The following DHRSX variants were observed in gnomAD, a reference collection of about 807,000 sequenced individuals.
DHRSX encodes the protein dehydrogenase/reductase X-linked.
In DHRSX, 31 loss-of-function variants were observed where a neutral mutation model predicts 34.0. The ratio of observed to expected loss-of-function variants is 0.91; its 90% confidence interval spans 0.69 to 1.23. The LOEUF (loss-of-function observed/expected upper bound fraction) is 1.23, where lower values mean the gene tolerates loss of function less well. Among genes scored for constraint, DHRSX ranks in the 50% most tolerant of loss-of-function variants. DHRSX has a pLI of 0.00. For missense variants in DHRSX, 414 were observed against 428.1 expected, an observed-to-expected ratio of 0.97 and a Z score of 0.29; for synonymous variants, 201 against 183.8, an observed-to-expected ratio of 1.09 and a Z score of -0.76.
intron 3 of DHRSX, among the ~76,000 whole-genome samples, chrX:2,327,245 G>T (rs2042398314): frequency 1.3e-5 from 2 of 152,220 alleles, no homozygotes; most frequent in African/African-American, 4.8e-5. Context: ...CAGTGAAGAA[G>T]AGTCTCCCTG....
At chrX:2,500,531 G>C (rs1457843936) in intron 1 of DHRSX, 2 of 163,226 alleles carry the variant, frequency 1.2e-5, no homozygotes, top group Non-Finnish European at 2.7e-5. Context: ...GCCCGACCCG[G>C]GACAGGCGGG....
At chrX:2,409,762 C>T (rs1372482304) in intron 2 of DHRSX, among the ~76,000 whole-genome samples, 1 of 151,424 alleles carries the variant, frequency 6.6e-6, no homozygotes, top group African/African-American at 2.4e-5. Flanking sequence ...CAGAATCTTG[C>T]TCTGTTGCCC....
At chrX:2,496,140 T>C (rs1318203888) in intron 1 of DHRSX, among the ~76,000 whole-genome samples, 1 of 152,256 alleles carries the variant, frequency 6.6e-6, no homozygotes, top group Non-Finnish European at 1.5e-5. Context: ...CGATAGTTAA[T>C]AGTGTATTAC....
intron 1 of DHRSX, chrX:2,488,532 G>T: frequency 7.2e-7 from 1 of 1,382,640 alleles, no homozygotes; most frequent in Non-Finnish European, 9.7e-7. Context: ...AAAGACAGTG[G>T]ATGGTCTCTG....
chrX:2,238,205 A>T (rs988846420), intron 6 of DHRSX, among the ~76,000 whole-genome samples: 7 of 152,066 alleles, frequency 4.6e-5, no homozygotes, highest in African/African-American at 1.7e-4. Context: ...AAATTTTAAA[A>T]AATTAGCCAG....
At chrX:2,327,005 G>T (rs188143466) in intron 3 of DHRSX, among the ~76,000 whole-genome samples, 4,272 of 152,086 alleles carry the variant, frequency 0.028, 199 homozygotes, top group African/African-American at 0.096. Flanking sequence ...TAGAGATGGG[G>T]TTTCGCCATG....
chrX:2,317,256 C>CTTTTTTTTTTTTTTTT lies in DHRSX; in HGVS notation c.287-25654_287-25653insAAAAAAAAAAAAAAAA, dbSNP rs779722860. On this transcript the variant is annotated intron_variant, in intron 3 of 6. Transcript: ENST00000334651. ...TACAGGCGTGAGCCACCGCGCCTGG[C>CTTTTTTTTTTTTTTTT]TTTTTTTTTTTTTGAGACAGAGTCT... is the stretch of plus-strand genomic sequence containing the variant. Among the ~76,000 whole-genome samples the CTTTTTTTTTTTTTTTT allele has an allele frequency of 5.7e-5, 5 of 87,436 alleles. 1 individual carries two copies. The highest frequency in any genetic ancestry group is 6.4e-5 in the Non-Finnish European group (3 of 46,866). 57.4% of individuals were successfully genotyped at this position (87,436 alleles called of 152,430 possible).
chrX:2,464,127 C>T (rs1265616320), intron 1 of DHRSX, among the ~76,000 whole-genome samples: 1 of 151,752 alleles, frequency 6.6e-6, no homozygotes, highest in African/African-American at 2.4e-5. Context: ...GGACGGCCGC[C>T]ATGTACGCAC....
Position 2,316,280 on chromosome X carries a change from G to A in DHRSX, c.287-24677C>T, listed in dbSNP as rs748919128. Among the ~76,000 whole-genome samples the A allele has an allele frequency of 8.2e-4, 125 of 151,702 alleles. 1 individual carries two copies. The highest frequency in any genetic ancestry group is 2.9e-3 in the African/African-American group (122 of 41,446). On this transcript the variant is annotated intron_variant, in intron 3 of 6. Coordinates refer to ENST00000334651, the MANE Select transcript of DHRSX (RefSeq NM_145177.3). ...AAACCAGCAAAAAGGGCCGGCTGCG[G>A]TGGCTCACGCCTGTAATTCCAGCAC...
chrX:2,299,882 C>T (rs550537021), intron 3 of DHRSX, among the ~76,000 whole-genome samples: 126 of 151,718 alleles, frequency 8.3e-4, no homozygotes, highest in African/African-American at 2.9e-3. Context: ...ACTTCATCCA[C>T]AGAAGAATTT....
At chrX:2,276,271 T>G (rs975076348) in intron 4 of DHRSX, among the ~76,000 whole-genome samples, 8 of 152,208 alleles carry the variant, frequency 5.3e-5, no homozygotes, top group Non-Finnish European at 1.2e-4. Context: ...GATGTTTCAT[T>G]GCGAATTTTG....
At chrX:2,266,212 G>A (rs1424993159) in intron 5 of DHRSX, among the ~76,000 whole-genome samples, 1 of 141,930 alleles carries the variant, frequency 7.0e-6, no homozygotes, top group Non-Finnish European at 1.5e-5. Context: ...GGCAGACGCA[G>A]GGAGCACTGT....
intron 2 of DHRSX, among the ~76,000 whole-genome samples, chrX:2,411,426 G>A (rs1292266575): frequency 6.6e-6 from 1 of 151,920 alleles, no homozygotes; most frequent in Non-Finnish European, 1.5e-5. Context: ...ATGTGTGCCT[G>A]TAATCCCAGC....
chrX:2,347,934 G>T (rs2042741060), intron 3 of DHRSX, among the ~76,000 whole-genome samples: 1 of 152,090 alleles, frequency 6.6e-6, no homozygotes, highest in South Asian at 2.1e-4. Context: ...TCTTGGTAAT[G>T]AACACCCCCT....
At chrX:2,446,857 G>A (rs1322992568) in intron 1 of DHRSX, among the ~76,000 whole-genome samples, 1 of 151,950 alleles carries the variant, frequency 6.6e-6, no homozygotes, top group East Asian at 1.9e-4. Context: ...TGTTCCCAAA[G>A]AATGGGGCCA....
chrX:2,293,096 T>G (rs1372518222), intron 3 of DHRSX, among the ~76,000 whole-genome samples: 1 of 152,168 alleles, frequency 6.6e-6, no homozygotes, highest in Non-Finnish European at 1.5e-5. Flanking sequence ...GATGACATTT[T>G]TAGAGAGTGA....
chrX:2,328,726 G>A (rs947051350), intron 3 of DHRSX, among the ~76,000 whole-genome samples: 7 of 152,204 alleles, frequency 4.6e-5, no homozygotes, highest in Non-Finnish European at 7.3e-5. Context: ...AAAGTCTGCT[G>A]TTTAAGCGGC....
At chrX:2,245,793 TA>T (rs766244013) in intron 5 of DHRSX, among the ~76,000 whole-genome samples, 3,264 of 141,798 alleles carry the variant, frequency 0.023, 139 homozygotes, top group African/African-American at 0.078. Context: ...CTGTCTCTAC[TA>T]AAAAAAAAAA....
At chrX:2,457,367 C>A (rs2044314492) in intron 1 of DHRSX, among the ~76,000 whole-genome samples, 2 of 151,944 alleles carry the variant, frequency 1.3e-5, no homozygotes, top group Admixed American at 6.6e-5. Flanking sequence ...CATGTACACA[C>A]TGAAGACGTT....
Sources: gnomAD v4.1 joint callset for allele counts (sites outside exome capture counted in the v4.1 genomes callset) on GRCh38, gnomAD v4.1.1 for gene constraint, MANE v1.5 for transcripts, NCBI Gene and HGNC (gene_info 2026-07-23, HGNC 2026-07-21) for gene names.